Variants in VPS37A observed in about 807,000 individuals in gnomAD.
VPS37A encodes vacuolar protein sorting-associated protein 37A.
VPS37A carries 30 observed loss-of-function variants against 49.8 expected under a neutral mutation model. The observed-to-expected ratio is 0.60, with a 90% CI of 0.45 to 0.82. The LOEUF (loss-of-function observed/expected upper bound fraction) is 0.82, where lower values mean the gene tolerates loss of function less well. Ranked by LOEUF, VPS37A falls within the 40% of genes least tolerant of loss-of-function variation. The probability of loss-of-function intolerance (pLI) is 0.00; values close to 1 mark genes in which losing one functional copy is unlikely to be tolerated. For synonymous variants in VPS37A, 195 were observed against 160.6 expected (o/e 1.21, Z -1.62); for missense variants, 593 against 464.4 (o/e 1.28, Z -2.55).
Position 17,275,018 on chromosome 8 carries a change from C to T in VPS37A, c.642+60C>T. On this transcript the variant is annotated intron_variant, in intron 5 of 11. Coordinates refer to ENST00000324849, the MANE Select transcript of VPS37A (RefSeq NM_152415.3). ...TGAAACATTCATTCAATCCACACAC[C>T]TTTATTACATGCCTCTGTGTGCCAG... is the stretch of plus-strand genomic sequence containing the variant. The T allele has an allele frequency of 2.1e-6, 3 of 1,453,270 alleles. No homozygotes were observed. In the East Asian group the frequency reaches 6.9e-5, roughly 33 times the overall value. The allele number at this position is 1,453,270 out of a possible 1,614,324, so 90.0% of individuals were successfully genotyped here. A position where few individuals can be genotyped will look rare whatever the true frequency, so the allele number is the denominator to read the frequency against.
chr8:17,278,815 GTTTA>G lies in VPS37A; in HGVS notation c.714-1205_714-1202del, dbSNP rs1814764990. On this transcript the variant is annotated intron_variant, in intron 6 of 11. Transcript: ENST00000324849. ...TGTTGATATAACTTAGAATATACAG[GTTTA>G]TTTATTTTCAAAGCAGTCCATTTTC... Among the ~76,000 whole-genome samples, 4 of 151,942 alleles carry G rather than the reference GTTTA, an allele frequency of 2.6e-5. No individual in the cohort carries two copies. In the South Asian group the frequency reaches 8.3e-4, roughly 32 times the overall value.
the VPS37A span, among the ~76,000 whole-genome samples, chr8:17,309,041 A>T: frequency 1.3e-5 from 2 of 152,226 alleles, no homozygotes; most frequent in Non-Finnish European, 2.9e-5. Context: ...ATGAACAAGC[A>T]TTCTCTGTCT....
At chr8:17,302,178 C>G, downstream of VPS37A, 1 of 1,614,122 alleles carries the variant, frequency 6.2e-7, no homozygotes, top group Non-Finnish European at 8.5e-7. Context: ...CTAGTTCTTC[C>G]TCTAGCTGCT....
At chr8:17,298,659 A>G (rs1010217188), downstream of VPS37A, 2 of 152,566 alleles carry the variant, frequency 1.3e-5, no homozygotes, top group Non-Finnish European at 2.9e-5. Flanking sequence ...ACATTCTAGA[A>G]TGTACTAATA....
chr8:17,274,923 C>T lies in VPS37A; in HGVS notation c.607C>T (p.Pro203Ser), dbSNP rs1413332287. The change falls in exon 5 of 12, where the codon CCA becomes TCA. Residue 203 changes from proline to serine, a missense_variant. Pro to Ser is a moderately conservative substitution (Grantham distance 74). Transcript: ENST00000324849. ...TTCATTTGGTGTCCTTTCAAATCTG[C>T]CATTACCCATTCCCACAGTGGATGC... The part of the protein sequence containing the change: ...APSFGVLSNL[P>S]LPIPTVDASI... 2 of 1,614,126 alleles carry T rather than the reference C, an allele frequency of 1.2e-6. No homozygotes were observed. Among genetic ancestry groups the T allele is most frequent in the Non-Finnish European group, 1.7e-6 (2 of 1,179,996 alleles).
the VPS37A span, among the ~76,000 whole-genome samples, chr8:17,332,265 T>C: frequency 6.6e-6 from 1 of 152,312 alleles, no homozygotes; most frequent in Admixed American, 6.5e-5. Context: ...CAATAGTACT[T>C]TTTAAAAGCT....
intron 6 of VPS37A, among the ~76,000 whole-genome samples, chr8:17,277,846 A>G (rs941695068): frequency 6.9e-6 from 1 of 144,232 alleles, no homozygotes; most frequent in Non-Finnish European, 1.5e-5. Context: ...ATTTCTCCCC[A>G]ACTTTTCTCT....
intron 10 of VPS37A, 150 bp downstream of exon 10, chr8:17,284,766 T>G: frequency 9.5e-7 from 1 of 1,051,976 alleles, no homozygotes. Flanking sequence ...AAGGTTTCTA[T>G]TCCTTGGGTG....
At chr8:17,320,541 T>A in the VPS37A span, among the ~76,000 whole-genome samples, 23,299 of 151,970 alleles carry the variant, frequency 0.15, 2,004 homozygotes, top group East Asian at 0.29. Context: ...AAGCTGATGA[T>A]CTAGAAGCCA....
intron 1 of VPS37A, among the ~76,000 whole-genome samples, chr8:17,261,794 G>A (rs1812986381): frequency 6.6e-6 from 1 of 152,118 alleles, no homozygotes; most frequent in Non-Finnish European, 1.5e-5. Flanking sequence ...TCCTGCCCAT[G>A]GTTTCTGTGG....
the VPS37A span, chr8:17,311,596 GAAC>G: frequency 1.2e-6 from 2 of 1,614,074 alleles, no homozygotes; most frequent in Non-Finnish European, 1.7e-6. Flanking sequence ...CCAGCCATCA[GAAC>G]AGTGAACAAG....
At chr8:17,265,789 A>G (rs754821031) in intron 1 of VPS37A, 118 bp from the exon 2 acceptor site, 7 of 1,559,092 alleles carry the variant, frequency 4.5e-6, no homozygotes, top group Non-Finnish European at 6.1e-6. Flanking sequence ...TATGCTGGCT[A>G]TCCAGATTCT....
the VPS37A span, among the ~76,000 whole-genome samples, chr8:17,310,751 C>T: frequency 1.3e-5 from 2 of 152,134 alleles, no homozygotes; most frequent in African/African-American, 4.8e-5. Flanking sequence ...TAATGGAGAC[C>T]CAGCAGTAAA....
Position 17,296,666 on chromosome 8 carries a change from G to C in VPS37A, c.*1680G>C, listed in dbSNP as rs186851996. 1 of 152,018 alleles carries C rather than the reference G, an allele frequency of 6.6e-6. No homozygotes were observed. Among genetic ancestry groups the C allele is most frequent in the South Asian group, 2.1e-4 (1 of 4,816 alleles). 9.4% of individuals were successfully genotyped at this position (152,018 alleles called of 1,614,324 possible). On this transcript the variant is annotated 3_prime_UTR_variant, in exon 12 of 12. Transcript: ENST00000324849. ...TTATTAAGTACCTACTAGGAATAAG[G>C]CATTGTGGAAATACTATACAAAGAT...
At position 17,248,051 on chromosome 8, in the gene VPS37A, A is replaced by G. The variant is rs572851040; in HGVS notation, c.125+682A>G. 21 of 447,220 alleles carry G rather than the reference A, an allele frequency of 4.7e-5. 1 individual carries two copies. Among genetic ancestry groups the G allele is most frequent in the African/African-American group, 4.2e-4 (21 of 50,268 alleles). The allele number at this position is 447,220 out of a possible 1,614,324, so 27.7% of individuals were successfully genotyped here. A position where few individuals can be genotyped will look rare whatever the true frequency, so the allele number is the denominator to read the frequency against. ...GTGAGTTTTTCATTTTATCATGGTCAGTTTAGAAATATTTTTACAATTCAT... is the reference window on the plus strand; with the variant it reads ...GTGAGTTTTTCATTTTATCATGGTCGGTTTAGAAATATTTTTACAATTCAT... On this transcript the variant is annotated intron_variant, in intron 1 of 11. Coordinates refer to ENST00000324849, the MANE Select transcript of VPS37A (RefSeq NM_152415.3).
At chr8:17,248,304 G>A (rs1262303962) in intron 1 of VPS37A, 1 of 417,560 alleles carries the variant, frequency 2.4e-6, no homozygotes, top group Non-Finnish European at 4.6e-6. Flanking sequence ...CTCTCCTGTT[G>A]CCCAGGCTGG....
At chr8:17,301,490 A>C (rs1031494190), downstream of VPS37A, among the ~76,000 whole-genome samples, 1 of 152,202 alleles carries the variant, frequency 6.6e-6, no homozygotes, top group African/African-American at 2.4e-5. Flanking sequence ...ATTAAATATT[A>C]GCATGGAAAA....
the VPS37A span, among the ~76,000 whole-genome samples, chr8:17,329,992 G>C: frequency 6.6e-6 from 1 of 152,178 alleles, no homozygotes; most frequent in Admixed American, 6.5e-5. Context: ...GTCACAGCTG[G>C]AAGACCCATA....
At chr8:17,329,572 G>A in the VPS37A span, among the ~76,000 whole-genome samples, 1 of 152,138 alleles carries the variant, frequency 6.6e-6, no homozygotes, top group Admixed American at 6.5e-5. Context: ...TATCAGCACT[G>A]GTAGGAGCAA....
Sources: allele counts gnomAD v4.1 joint callset (sites outside exome capture counted in the v4.1 genomes callset), GRCh38; gene constraint gnomAD v4.1.1; transcripts MANE v1.5; gene names NCBI Gene and HGNC (gene_info 2026-07-23, HGNC 2026-07-21).